The following UNC80 variants were observed in gnomAD, a reference collection of about 807,000 sequenced individuals.
The protein encoded by UNC80 is protein unc-80 homolog.
A neutral mutation model predicts 384.6 loss-of-function variants in UNC80; 164 were observed. The observed-to-expected ratio is 0.43, with a 90% CI of 0.38 to 0.49. UNC80 has a LOEUF of 0.49. UNC80 is among the 20% of genes least tolerant of loss of function. UNC80 has a pLI of 0.00. For synonymous variants in UNC80, 1,486 were observed against 1,527.8 expected (o/e 0.97, Z 0.64); for missense variants, 3,330 against 4,143.0 (o/e 0.80, Z 5.39).
intron 38 of UNC80, 64 bp downstream of exon 38, chr2:209,931,118 T>C: frequency 3.2e-6 from 4 of 1,265,574 alleles, no homozygotes; most frequent in Non-Finnish European, 4.4e-6. Context: ...CTTAGAAGAT[T>C]TTTTTCAATA....
intron 31 of UNC80, among the ~76,000 whole-genome samples, chr2:209,915,653 A>T (rs183699113): frequency 6.6e-6 from 1 of 152,308 alleles, no homozygotes; most frequent in East Asian, 1.9e-4. Flanking sequence ...GCAATGTTGT[A>T]TACAGAGTGT....
At chr2:209,786,325 A>G (rs910806601) in intron 5 of UNC80, 136 bp downstream of exon 5, 70 of 1,151,156 alleles carry the variant, frequency 6.1e-5, no homozygotes, top group Admixed American at 1.4e-4. Context: ...GTGTCCTGAT[A>G]TAGGGCTTAC....
intron 18 of UNC80, among the ~76,000 whole-genome samples, chr2:209,837,046 A>C (rs1242705918): frequency 6.6e-6 from 1 of 152,218 alleles, no homozygotes; most frequent in Non-Finnish European, 1.5e-5. Flanking sequence ...GTAACTGAGA[A>C]ATCAAATTTT....
At position 209,815,384 on chromosome 2, in the gene UNC80, T is replaced by C; in HGVS notation, c.1328T>C (p.Phe443Ser). Reference sequence around the variant, plus strand: ...TCTTCAGACCTGGGCATGAATATTTTTAAAAAGGTGAGTAGAAATGCTTAT... The same window carrying C: ...TCTTCAGACCTGGGCATGAATATTTCTAAAAAGGTGAGTAGAAATGCTTAT... ...DLSSDLGMNI[F>S]KKFKSRKEDR... Residue 443 changes from phenylalanine (F) to serine (S), a missense_variant, in exon 9 of 65, where the codon TTT (phenylalanine) becomes TCT (serine). By Grantham distance (155) the Phe-to-Ser change is radical. Transcript: ENST00000673920. The C allele has an allele frequency of 6.4e-7, 1 of 1,550,936 alleles. No homozygotes were observed. The highest frequency in any genetic ancestry group is 8.7e-7 in the Non-Finnish European group (1 of 1,146,746).
Position 209,967,517 on chromosome 2 carries a change from A to G in UNC80, c.7886A>G (p.Tyr2629Cys), listed in dbSNP as rs1156694591. Residue 2629 changes from tyrosine to cysteine, a missense_variant, in exon 52 of 65, where the codon TAC becomes TGC. Transcript: ENST00000673920. ...QTMESRGLRR[Y>C]IMEMLPITDW... is the part of the protein sequence containing the mutation. ...ATGGAGAGTCGTGGGCTTCGGCGCT[A>G]CATCATGGAGATGCTACCCATTACT... 6.4e-7 allele frequency: 1 copy of G among 1,551,654 alleles called. No homozygotes were observed. Among genetic ancestry groups the G allele is most frequent in the Non-Finnish European group, 8.7e-7 (1 of 1,146,984 alleles).
intron 54 of UNC80, 26 bp downstream of exon 54, chr2:209,970,983 C>T (rs201276176): frequency 1.6e-5 from 25 of 1,543,568 alleles, no homozygotes; most frequent in Middle Eastern, 1.7e-4. Flanking sequence ...CTGTTTGTCA[C>T]GCTCATTAAG....
chr2:209,870,362 G>A (rs12328346), intron 22 of UNC80, among the ~76,000 whole-genome samples: 26,861 of 152,098 alleles, frequency 0.18, 3,316 homozygotes, highest in African/African-American at 0.35. Context: ...TATCTGAACT[G>A]TTTAGTGAAA....
rs147559442 is a variant in UNC80 at position 209,779,304 on chromosome 2, C to T, written c.600+1745C>T. On this transcript the variant is annotated intron_variant, in intron 4 of 64. Transcript: ENST00000673920. ...TTCTCACCCTCAAACTTGACAAGTG[C>T]ATTTTTGTGTTCAGATCCTTACACT... 1.5e-3 allele frequency among the ~76,000 whole-genome samples: 222 copies of T among 152,194 alleles called. 3 individuals are homozygous for T. In the Middle Eastern group the frequency reaches 0.031, roughly 21 times the overall value.
At chr2:209,896,521 C>G in intron 28 of UNC80, 108 bp downstream of exon 28, 1 of 924,360 alleles carries the variant, frequency 1.1e-6, no homozygotes. Flanking sequence ...CCGATCTAGC[C>G]TCCAAGAGAA....
chr2:209,986,401 A>G (rs1403487042), intron 61 of UNC80, among the ~76,000 whole-genome samples: 4 of 151,646 alleles, frequency 2.6e-5, no homozygotes, highest in Non-Finnish European at 5.9e-5. Context: ...GTTTTTATGA[A>G]CTCTCCCAAG....
chr2:209,821,159 T>A (rs1250302976), intron 13 of UNC80, among the ~76,000 whole-genome samples: 1 of 133,184 alleles, frequency 7.5e-6, no homozygotes, highest in Non-Finnish European at 1.5e-5. Flanking sequence ...TTCTGAAGCC[T>A]CTTCTCTTGC....
chr2:209,869,601 C>T (rs2124877890), intron 22 of UNC80, among the ~76,000 whole-genome samples: 1 of 152,108 alleles, frequency 6.6e-6, no homozygotes, highest in East Asian at 1.9e-4. Context: ...AGCCTGCCAT[C>T]ATCCACCAGG....
chr2:209,913,792 C>G lies in UNC80; in HGVS notation c.4891-10C>G. On this transcript the variant is annotated splice_polypyrimidine_tract_variant and intron_variant, in intron 30 of 64. Coordinates refer to ENST00000673920, the MANE Select transcript of UNC80 (RefSeq NM_001371986.1). ...AAAGATTTTAAAACATGATTTCCAT[C>G]TTTTCCCAGGTGATGAGCTTGTCGC... 2 of 1,537,836 alleles carry G rather than the reference C, an allele frequency of 1.3e-6. No homozygotes were observed. Among genetic ancestry groups the G allele is most frequent in the Non-Finnish European group, 1.8e-6 (2 of 1,137,236 alleles).
rs1339732081 is a variant in UNC80, at chr2:209,922,310, C to T, written c.5589C>T (p.Ser1863=). The T allele has an allele frequency of 6.4e-7, 1 of 1,552,172 alleles. No homozygotes were observed. Among genetic ancestry groups the T allele is most frequent in the Non-Finnish European group, 8.7e-7 (1 of 1,147,078 alleles). The part of the protein sequence containing the change: ...RRLSVSPSCT[S]STSHRNYSFR... ...TGTCTGTGAGTCCATCCTGCACCTC[C>T]AGCACTTCCCACAGGAATTATTCCT... Residue 1863 remains serine, a synonymous_variant, in exon 35 of 65, where the codon TCC becomes TCT. Transcript: ENST00000673920.
At chr2:209,967,017 T>G (rs2092759434) in intron 51 of UNC80, among the ~76,000 whole-genome samples, 1 of 152,022 alleles carries the variant, frequency 6.6e-6, no homozygotes, top group African/African-American at 2.4e-5. Flanking sequence ...CGTTTGATAT[T>G]AGTAATTTTA....
rs531883380 is a variant in UNC80 at position 209,808,463 on chromosome 2, T to G, written c.939-5117T>G. Among the ~76,000 whole-genome samples the G allele has an allele frequency of 1.4e-4, 21 of 149,738 alleles. No individual in the cohort carries two copies. In the East Asian group the frequency reaches 3.7e-3, roughly 27 times the overall value. ...CTGTAATCTCAGCTACTCAGGAGAT[T>G]GAGGCAGGAGAATCACTTGAACCCG... On this transcript the variant is annotated intron_variant, in intron 7 of 64. Coordinates refer to ENST00000673920, the MANE Select transcript of UNC80 (RefSeq NM_001371986.1).
chr2:209,947,990 A>C (rs1196442601), intron 47 of UNC80, among the ~76,000 whole-genome samples: 1 of 152,170 alleles, frequency 6.6e-6, no homozygotes, highest in Non-Finnish European at 1.5e-5. Flanking sequence ...AGATTCATTC[A>C]TATAAATGTG....
At chr2:209,932,734 C>A (rs1412877011) in intron 38 of UNC80, among the ~76,000 whole-genome samples, 1 of 152,148 alleles carries the variant, frequency 6.6e-6, no homozygotes, top group East Asian at 1.9e-4. Context: ...AAGACCCAAC[C>A]CATCATCCCA....
Position 209,993,330 on chromosome 2 carries a change from C to T in UNC80, c.9412C>T (p.Leu3138=). 1 of 1,551,916 alleles carries T rather than the reference C, an allele frequency of 6.4e-7. No homozygotes were observed. Among genetic ancestry groups the T allele is most frequent in the South Asian group, 1.2e-5 (1 of 84,044 alleles). ...RGLRQLRRPL[L]SRQKTQTEPR... ...TTCTCTTTAGCTAAGACGTCCTCTA[C>T]TATCACGTCAGAAAACTCAGACTGA... The change falls in exon 63 of 65, where the codon CTA becomes TTA. Residue 3138 remains leucine (L), a synonymous_variant. Transcript: ENST00000673920.
Sources: allele counts gnomAD v4.1 joint callset (sites outside exome capture counted in the v4.1 genomes callset), GRCh38; gene constraint gnomAD v4.1.1; transcripts MANE v1.5; gene names NCBI Gene and HGNC (gene_info 2026-07-23, HGNC 2026-07-21).